Variants in TG observed in about 807,000 individuals in gnomAD.
The protein encoded by TG is thyroglobulin.
Under a neutral mutation model 324.7 loss-of-function variants are expected in TG, and 270 were observed. That is an observed-to-expected ratio of 0.83 (90% CI 0.75 to 0.92). The LOEUF (loss-of-function observed/expected upper bound fraction) is 0.92. TG is among the 40% of genes least tolerant of loss of function. TG has a pLI of 0.00. For synonymous variants in TG, 1,401 were observed against 1,327.0 expected, an observed-to-expected ratio of 1.06 and a Z score of -1.21; for missense variants, 3,591 against 3,456.4, an observed-to-expected ratio of 1.04 and a Z score of -0.98.
chr8:133,002,073 G>T (rs1833567026), intron 35 of TG: 1 of 985,454 alleles, frequency 1.0e-6, no homozygotes, highest in Non-Finnish European at 1.2e-6. Flanking sequence ...AATGGGATGG[G>T]TCTGTGATTA....
rs112510583 is a variant in TG at position 132,891,663 on chromosome 8, C to T, written c.2762-2027C>T. Among the ~76,000 whole-genome samples the T allele has an allele frequency of 7.6e-3, 1,159 of 152,260 alleles. 14 individuals are homozygous for T. Among genetic ancestry groups the T allele is most frequent in the African/African-American group, 0.027 (1,111 of 41,532 alleles). ...GACAGATTTGAAAAGATCTTATGTG[C>T]CCAGTTGTAGATTTTCACTTTATCC... On this transcript the variant is annotated intron_variant, in intron 10 of 47. Transcript: ENST00000220616.
At chr8:132,988,841 C>T (rs930694622) in intron 35 of TG, 1 of 985,302 alleles carries the variant, frequency 1.0e-6, no homozygotes, top group African/African-American at 1.7e-5. Context: ...GGTTTATTCC[C>T]AGGACAACGA....
At chr8:133,010,498 T>C (rs980867387) in intron 35 of TG, among the ~76,000 whole-genome samples, 3 of 152,206 alleles carry the variant, frequency 2.0e-5, no homozygotes, top group Non-Finnish European at 4.4e-5. Context: ...TGTGTGTATG[T>C]TACAGAGAGA....
intron 23 of TG, among the ~76,000 whole-genome samples, chr8:132,930,064 C>T (rs533876224): frequency 6.6e-6 from 1 of 152,298 alleles, no homozygotes; most frequent in South Asian, 2.1e-4. Flanking sequence ...ATTATGCCTG[C>T]CTCAGTACCC....
rs369391707 is a variant in TG, at chr8:132,983,309, G to T, written c.6200-41G>T. The T allele has an allele frequency of 1.8e-5, 28 of 1,598,386 alleles. No individual in the cohort carries two copies. The Admixed American group carries it at 2.3e-4, about 13-fold the overall frequency. ...TGCCTTCTGAACTCGATGATACCATGGGGGTAGAAAAGAACTGAAAGACTG... is the reference window on the plus strand; with the variant it reads ...TGCCTTCTGAACTCGATGATACCATTGGGGTAGAAAAGAACTGAAAGACTG... On this transcript the variant is annotated intron_variant, in intron 34 of 47. Coordinates refer to ENST00000220616, the MANE Select transcript of TG (RefSeq NM_003235.5).
At chr8:133,068,744 G>A (rs916014730) in intron 41 of TG, among the ~76,000 whole-genome samples, 1 of 152,244 alleles carries the variant, frequency 6.6e-6, no homozygotes, top group Non-Finnish European at 1.5e-5. Flanking sequence ...GGCAGCAGAA[G>A]CCATTCCTGA....
chr8:132,928,383 C>T (rs1042984524), intron 22 of TG, among the ~76,000 whole-genome samples: 1 of 152,186 alleles, frequency 6.6e-6, no homozygotes, highest in African/African-American at 2.4e-5. Context: ...GAATTTGTGG[C>T]TTGGAAGGTG....
chr8:133,000,377 C>T (rs1833337606), intron 35 of TG, among the ~76,000 whole-genome samples: 1 of 152,244 alleles, frequency 6.6e-6, no homozygotes, highest in South Asian at 2.1e-4. Context: ...CAAACTGTGA[C>T]TCTCACTGTA....
intron 22 of TG, among the ~76,000 whole-genome samples, chr8:132,927,878 G>A (rs1400505426): frequency 1.3e-5 from 2 of 152,318 alleles, no homozygotes; most frequent in African/African-American, 4.8e-5. Context: ...CTACAAATGA[G>A]CTACTAAAGG....
At chr8:132,962,780 A>G (rs1353930463) in intron 28 of TG, among the ~76,000 whole-genome samples, 1 of 152,326 alleles carries the variant, frequency 6.6e-6, no homozygotes, top group South Asian at 2.1e-4. Flanking sequence ...AATAATTTCA[A>G]TATCACAGAT....
At position 133,061,489 on chromosome 8, in the gene TG, C is replaced by T. The variant is rs1373799001; in HGVS notation, c.7239+31466C>T. 2.0e-5 allele frequency among the ~76,000 whole-genome samples: 3 copies of T among 152,180 alleles called. No individual in the cohort carries two copies. In the East Asian group the frequency reaches 5.8e-4, roughly 29 times the overall value. On this transcript the variant is annotated intron_variant, in intron 41 of 47. Transcript: ENST00000220616. ...TAATGATAAAATTTCCAAGTCTGGA[C>T]CTTCATACAAATATTTTGGAAAGGG...
rs940049289 is a variant in TG at position 133,030,083 on chromosome 8, T to C, written c.7239+60T>C. On this transcript the variant is annotated intron_variant, in intron 41 of 47. Transcript: ENST00000220616. ...CAGATGCGGCTGGGGGAGGTGGTTC[T>C]CCTGTGCTGCAAAAGTCTAGTTGGC... The C allele has an allele frequency of 4.2e-5, 67 of 1,604,384 alleles. No homozygotes were observed. In the East Asian group the frequency reaches 1.4e-3, roughly 34 times the overall value.
intron 16 of TG, among the ~76,000 whole-genome samples, chr8:132,906,126 A>G (rs1818642216): frequency 1.3e-5 from 2 of 152,198 alleles, no homozygotes; most frequent in South Asian, 4.1e-4. Flanking sequence ...AAACCTGGCA[A>G]AGAGCATTTG....
At chr8:133,021,314 G>A (rs949799128) in intron 39 of TG, among the ~76,000 whole-genome samples, 1 of 152,174 alleles carries the variant, frequency 6.6e-6, no homozygotes, top group Non-Finnish European at 1.5e-5. Context: ...AAGGGAAAGG[G>A]GACGCCAAGG....
chr8:132,867,364 G>C (rs1478227512), intron 1 of TG, among the ~76,000 whole-genome samples: 1 of 151,984 alleles, frequency 6.6e-6, no homozygotes, highest in Non-Finnish European at 1.5e-5. Context: ...ATTGACCTTG[G>C]GTTTTTATCC....
intron 41 of TG, among the ~76,000 whole-genome samples, chr8:133,057,587 G>A (rs1288586874): frequency 1.3e-5 from 2 of 152,064 alleles, no homozygotes; most frequent in African/African-American, 2.4e-5. Context: ...GGGGCAGCCC[G>A]AGTGACTCAC....
At chr8:133,099,313 A>G (rs1215386942) in intron 43 of TG, among the ~76,000 whole-genome samples, 1 of 152,218 alleles carries the variant, frequency 6.6e-6, no homozygotes, top group Non-Finnish European at 1.5e-5. Flanking sequence ...CCCTTGGGAC[A>G]CGCATTAGTG....
chr8:132,924,094 C>G (rs756062960), intron 22 of TG, among the ~76,000 whole-genome samples: 1 of 151,834 alleles, frequency 6.6e-6, no homozygotes, highest in Non-Finnish European at 1.5e-5. Context: ...TCAGTGGGAG[C>G]CCTGAGCTTT....
chr8:132,919,568 T>A (rs1231778185), intron 21 of TG, 43 bp downstream of exon 21: 2 of 1,610,790 alleles, frequency 1.2e-6, no homozygotes, highest in African/African-American at 1.3e-5. Flanking sequence ...AGCCCTGCAA[T>A]GAAATGGAAC....
Sources: gnomAD v4.1 joint callset for allele counts (sites outside exome capture counted in the v4.1 genomes callset) on GRCh38, gnomAD v4.1.1 for gene constraint, MANE v1.5 for transcripts, NCBI Gene and HGNC (gene_info 2026-07-23, HGNC 2026-07-21) for gene names.